PLCL2: variants seen among roughly 807,000 people sequenced by gnomAD.
The protein encoded by PLCL2 is phospholipase C like 2.
A neutral mutation model predicts 79.6 loss-of-function variants in PLCL2; 4 were observed. The ratio of observed to expected loss-of-function variants is 0.05; its 90% CI spans 0.02 to 0.11. The LOEUF (loss-of-function observed/expected upper bound fraction) is 0.11, where lower values mean the gene tolerates loss of function less well. Among genes scored for constraint, PLCL2 ranks in the 10% least tolerant of loss-of-function variants. The pLI is 1.00. For missense variants in PLCL2, 895 were observed against 1,291.0 expected (o/e 0.69, Z 4.70); for synonymous variants, 484 against 457.7 (o/e 1.06, Z -0.73).
At chr3:16,935,216 T>G (rs1695617197) in intron 1 of PLCL2, among the ~76,000 whole-genome samples, 1 of 152,236 alleles carries the variant, frequency 6.6e-6, no homozygotes, top group African/African-American at 2.4e-5. Context: ...AAATTACATA[T>G]TCATATCTTT....
At chr3:17,046,358 T>C (rs1000339876) in intron 4 of PLCL2, among the ~76,000 whole-genome samples, 13 of 152,258 alleles carry the variant, frequency 8.5e-5, no homozygotes, top group African/African-American at 2.9e-4. Flanking sequence ...CTAATATCTA[T>C]GTTTTTGTCT....
intron 3 of PLCL2, among the ~76,000 whole-genome samples, chr3:17,017,876 G>A (rs114076711): frequency 0.016 from 2,460 of 152,202 alleles, 25 homozygotes; most frequent in Non-Finnish European, 0.023. Context: ...TTGTGAAAAC[G>A]GAGAATGCAG....
intron 1 of PLCL2, among the ~76,000 whole-genome samples, chr3:17,008,006 C>G (rs2064280588): frequency 2.0e-5 from 3 of 152,122 alleles, no homozygotes; most frequent in Non-Finnish European, 4.4e-5. Context: ...CAAGGAAGGA[C>G]TTAAATACAC....
chr3:17,076,819 T>C (rs943826841), intron 5 of PLCL2, among the ~76,000 whole-genome samples: 3 of 152,204 alleles, frequency 2.0e-5, no homozygotes, highest in Non-Finnish European at 2.9e-5. Flanking sequence ...TTTTAATTCT[T>C]GATATTTTTA....
chr3:17,064,462 G>A (rs193247859), intron 4 of PLCL2, among the ~76,000 whole-genome samples: 11 of 152,260 alleles, frequency 7.2e-5, no homozygotes, highest in South Asian at 2.1e-4. Flanking sequence ...GGAAAGTGCT[G>A]TAGCCTCTGT....
intron 5 of PLCL2, among the ~76,000 whole-genome samples, chr3:17,071,402 T>G (rs1378729382): frequency 6.6e-6 from 1 of 152,088 alleles, no homozygotes; most frequent in Admixed American, 6.5e-5. Flanking sequence ...ACACCCAGAA[T>G]TATCTACTAT....
In PLCL2 at chr3:17,074,086, C is replaced by T. The variant is rs1225128931; in HGVS notation, c.3204+6021C>T. On this transcript the variant is annotated intron_variant, in intron 5 of 5. Coordinates refer to ENST00000615277, the MANE Select transcript of PLCL2 (RefSeq NM_001144382.2). The stretch of plus-strand genomic sequence containing the variant: ...AGAAGGTCTTCAATTTACTTTACCC[C>T]GATTCATCAGAGGAATCACTATCTA... 5.3e-5 allele frequency among the ~76,000 whole-genome samples: 8 copies of T among 152,166 alleles called. No homozygotes were observed. In the East Asian group the frequency reaches 1.5e-3, roughly 29 times the overall value.
chr3:17,056,322 C>T (rs895424160), intron 4 of PLCL2, among the ~76,000 whole-genome samples: 1 of 151,806 alleles, frequency 6.6e-6, no homozygotes. Flanking sequence ...TATATATATA[C>T]ACACATGTAT....
intron 5 of PLCL2, among the ~76,000 whole-genome samples, chr3:17,073,534 A>G (rs2065081118): frequency 6.6e-6 from 1 of 152,168 alleles, no homozygotes; most frequent in South Asian, 2.1e-4. Flanking sequence ...AAAATAAGAC[A>G]GTGGAGCTTG....
rs76287691 is a variant in PLCL2, at chr3:17,035,051, A to G, written c.3019-7823A>G. ...GATTCTGGAGCATCATGCAACATTC[A>G]TTCATCTTTAAAATTTCTCCCTCAG... On this transcript the variant is annotated intron_variant, in intron 3 of 5. Transcript: ENST00000615277. Among the ~76,000 whole-genome samples the G allele has an allele frequency of 3.1e-3, 467 of 152,272 alleles. 2 individuals are homozygous for G. Among genetic ancestry groups the G allele is most frequent in the African/African-American group, 0.011 (437 of 41,572 alleles).
intron 3 of PLCL2, among the ~76,000 whole-genome samples, chr3:17,028,848 C>T (rs1042723024): frequency 6.6e-6 from 1 of 152,116 alleles, no homozygotes; most frequent in Non-Finnish European, 1.5e-5. Context: ...GCGTTCTCAG[C>T]ACCGACAGCA....
At chr3:17,079,373 A>G (rs971531254) in intron 5 of PLCL2, among the ~76,000 whole-genome samples, 1 of 152,218 alleles carries the variant, frequency 6.6e-6, no homozygotes, top group Admixed American at 6.5e-5. Flanking sequence ...CTGCCACCAG[A>G]GTGGCCAGCT....
chr3:16,964,951 G>T (rs925937539), intron 1 of PLCL2, among the ~76,000 whole-genome samples: 47 of 151,926 alleles, frequency 3.1e-4, no homozygotes, highest in African/African-American at 8.2e-4. Flanking sequence ...TTGCAAAAAT[G>T]TTCTCCCATT....
intron 1 of PLCL2, among the ~76,000 whole-genome samples, chr3:16,947,146 CAG>C (rs2063610557): frequency 6.6e-6 from 1 of 150,454 alleles, no homozygotes; most frequent in Admixed American, 6.6e-5. Flanking sequence ...TTTTTAGAGA[CAG>C]GGTCTCACTC....
rs557782435 is a variant in PLCL2 at position 16,914,570 on chromosome 3, T to C, written c.327+29204T>C. Among the ~76,000 whole-genome samples, 7 of 151,984 alleles carry C rather than the reference T, an allele frequency of 4.6e-5. No individual in the cohort carries two copies. In the South Asian group the frequency reaches 1.0e-3, roughly 23 times the overall value. On this transcript the variant is annotated intron_variant, in intron 1 of 5. Coordinates refer to ENST00000615277, the MANE Select transcript of PLCL2 (RefSeq NM_001144382.2). ...TCCAATTTCATTGTATTAAAATATG[T>C]AGGTATCTATCTTTTTGCGTAGATT...
At position 16,887,635 on chromosome 3, in the gene PLCL2, A is replaced by G. The variant is rs911430867; in HGVS notation, c.327+2269A>G. ...TTTGAATTGGTGCCTTGAAGCATCA[A>G]GATTTTTGGAATGTATTGTGGTATT... On this transcript the variant is annotated intron_variant, in intron 1 of 5. Transcript: ENST00000615277. The surrounding 1 kb of genome is among the most constrained non-coding windows in gnomAD (Gnocchi z 4.1). Among the ~76,000 whole-genome samples the G allele has an allele frequency of 1.3e-5, 2 of 152,218 alleles. No individual in the cohort carries two copies. The highest frequency in any genetic ancestry group is 3.9e-4 in the East Asian group (2 of 5,194).
intron 5 of PLCL2, among the ~76,000 whole-genome samples, chr3:17,082,442 T>G (rs1214196168): frequency 6.6e-6 from 1 of 152,172 alleles, no homozygotes; most frequent in Non-Finnish European, 1.5e-5. Flanking sequence ...AGAATTGTTC[T>G]TCACTCATGC....
chr3:17,064,928 CA>C lies in PLCL2; in HGVS notation c.3095-3009del, dbSNP rs1395020243. Among the ~76,000 whole-genome samples the C allele has an allele frequency of 7.9e-3, 451 of 57,198 alleles. 3 individuals carry two copies. Among genetic ancestry groups the C allele is most frequent in the Middle Eastern group, 0.033 (3 of 92 alleles). The allele number at this position is 57,198 out of a possible 152,430, so 37.5% of individuals were successfully genotyped here. The stretch of plus-strand genomic sequence containing the variant: ...TGGGCAGCAGAGTGAGACTCTGTCT[CA>C]AAAAAAAAAAAAAAAAAAGACATGT... On this transcript the variant is annotated intron_variant, in intron 4 of 5. Coordinates refer to ENST00000615277, the MANE Select transcript of PLCL2 (RefSeq NM_001144382.2).
intron 1 of PLCL2, among the ~76,000 whole-genome samples, chr3:16,959,241 T>C (rs1193855768): frequency 6.6e-6 from 1 of 152,204 alleles, no homozygotes; most frequent in African/African-American, 2.4e-5. Flanking sequence ...TTTTGCTCCC[T>C]TTTACTACAA....
Sources: allele counts gnomAD v4.1 joint callset (sites outside exome capture counted in the v4.1 genomes callset), GRCh38; gene constraint gnomAD v4.1.1; non-coding constraint Gnocchi (gnomAD v3.1); transcripts MANE v1.5; gene names NCBI Gene and HGNC (gene_info 2026-07-23, HGNC 2026-07-21).